The following EFHB variants were observed in gnomAD, a reference collection of about 807,000 sequenced individuals.
The protein encoded by EFHB is EF-hand domain family member B.
In EFHB, 91 loss-of-function variants were observed where a neutral mutation model predicts 87.2. The observed-to-expected ratio is 1.04, with a 90% CI of 0.88 to 1.24. The LOEUF is 1.24. Ranked by LOEUF, EFHB falls within the 50% of genes most tolerant of loss-of-function variation. EFHB has a pLI of 0.00. For missense variants in EFHB, 1,084 were observed against 998.8 expected, an observed-to-expected ratio of 1.09 and a Z score of -1.15; for synonymous variants, 325 against 333.6, an observed-to-expected ratio of 0.97 and a Z score of 0.28.
In EFHB at chr3:19,898,855, A is replaced by G. The variant is rs746602526; in HGVS notation, c.1503-10T>C. Reference sequence around the variant, plus strand: ...CATTGTTTCTGCAATGCTATCAAAGAAAACAAATCCTTAGTTAAAATACCC... The same window carrying G: ...CATTGTTTCTGCAATGCTATCAAAGGAAACAAATCCTTAGTTAAAATACCC... On this transcript the variant is annotated splice_polypyrimidine_tract_variant and intron_variant, in intron 7 of 12. Transcript: ENST00000295824. The G allele has an allele frequency of 6.2e-7, 1 of 1,613,366 alleles. No individual in the cohort carries two copies. Among genetic ancestry groups the G allele is most frequent in the South Asian group, 1.1e-5 (1 of 90,890 alleles).
intron 4 of EFHB, among the ~76,000 whole-genome samples, chr3:19,916,175 G>A (rs1695223978): frequency 6.6e-6 from 1 of 152,094 alleles, no homozygotes; most frequent in Admixed American, 6.6e-5. Flanking sequence ...GTAAATTTTG[G>A]CAGTTTTAGA....
rs902042733 is a variant in EFHB, at chr3:19,898,628, A to G, written c.1570+150T>C. 8 of 805,176 alleles carry G rather than the reference A, an allele frequency of 9.9e-6. No homozygotes were observed. In the African/African-American group the frequency reaches 1.2e-4, roughly 12 times the overall value. 49.9% of individuals were successfully genotyped at this position (805,176 alleles called of 1,614,324 possible). The stretch of plus-strand genomic sequence containing the variant: ...GAAAAAAAATTTACTTCTGTGTTAT[A>G]CACTTTTCTCATTAATGTTAATGCA... On this transcript the variant is annotated intron_variant, in intron 8 of 12. Coordinates refer to ENST00000295824, the MANE Select transcript of EFHB (RefSeq NM_144715.4).
chr3:19,904,685 C>T (rs568689045), intron 6 of EFHB, among the ~76,000 whole-genome samples: 52 of 152,254 alleles, frequency 3.4e-4, no homozygotes, highest in Middle Eastern at 6.8e-3. Context: ...ATTTAACATC[C>T]GCTCAGATAA....
chr3:19,922,994 CA>C (rs1316019117), intron 1 of EFHB, among the ~76,000 whole-genome samples: 1 of 152,140 alleles, frequency 6.6e-6, no homozygotes, highest in African/African-American at 2.4e-5. Context: ...CAGCCAGATG[CA>C]GTGGCTCACA....
Position 19,879,582 on chromosome 3 carries a change from AAC to A in EFHB, c.*47_*48del, listed in dbSNP as rs763747160. On this transcript the variant is annotated 3_prime_UTR_variant, in exon 13 of 13. Transcript: ENST00000295824. ...CAGAATGGATTCAACATTTTAGATA[AAC>A]ACAGAGTTAATAATTCTTTTGCTTG... is the stretch of plus-strand genomic sequence containing the variant. 7 of 1,495,674 alleles carry A rather than the reference AAC, an allele frequency of 4.7e-6. No homozygotes were observed. The highest frequency in any genetic ancestry group is 4.8e-5 in the Admixed American group (2 of 41,762). The allele number at this position is 1,495,674 out of a possible 1,614,324, so 92.7% of individuals were successfully genotyped here.
chr3:19,913,108 A>T (rs1003648611), intron 5 of EFHB, among the ~76,000 whole-genome samples: 1 of 152,188 alleles, frequency 6.6e-6, no homozygotes, highest in Non-Finnish European at 1.5e-5. Context: ...ACCTCAACAT[A>T]ATAAAAGCCG....
chr3:19,905,518 T>A, intron 6 of EFHB, 102 bp downstream of exon 6: 3 of 1,285,038 alleles, frequency 2.3e-6, no homozygotes, highest in Non-Finnish European at 3.2e-6. Context: ...GTTTGAACCA[T>A]ATCATTTTAT....
chr3:19,914,178 G>A (rs1695150130), intron 5 of EFHB, among the ~76,000 whole-genome samples: 1 of 152,106 alleles, frequency 6.6e-6, no homozygotes, highest in African/African-American at 2.4e-5. Flanking sequence ...AAACTCCTGG[G>A]CTCAAGTGAT....
upstream of EFHB, chr3:19,934,299 TTC>T (rs770548531): frequency 5.8e-3 from 7,405 of 1,276,698 alleles, no homozygotes; most frequent in South Asian, 9.9e-3. Context: ...TCTCTCATTC[TTC>T]TCTCTCTCTC....
At chr3:19,925,068 A>G (rs1020874551) in intron 1 of EFHB, among the ~76,000 whole-genome samples, 1 of 151,390 alleles carries the variant, frequency 6.6e-6, no homozygotes, top group African/African-American at 2.4e-5. Context: ...AAACGGTGAA[A>G]CATCTCTACT....
chr3:19,928,156 C>T (rs911233713), intron 1 of EFHB, among the ~76,000 whole-genome samples: 1 of 151,754 alleles, frequency 6.6e-6, no homozygotes, highest in Non-Finnish European at 1.5e-5. Context: ...ACTGGCAAGT[C>T]AAATCCAGGG....
intron 11 of EFHB, among the ~76,000 whole-genome samples, chr3:19,883,863 C>T (rs562076765): frequency 6.6e-6 from 1 of 152,298 alleles, no homozygotes; most frequent in East Asian, 1.9e-4. Flanking sequence ...GAGGCATGGA[C>T]AGATTCTCCT....
chr3:19,932,539 TC>T (rs774159776), intron 1 of EFHB, among the ~76,000 whole-genome samples: 13 of 152,210 alleles, frequency 8.5e-5, no homozygotes, highest in Non-Finnish European at 1.6e-4. Context: ...CCTCATTCTT[TC>T]TTCAGACAAA....
At chr3:19,900,310 T>C (rs532502501) in intron 6 of EFHB, among the ~76,000 whole-genome samples, 19 of 152,170 alleles carry the variant, frequency 1.2e-4, no homozygotes, top group Admixed American at 5.9e-4. Flanking sequence ...CCAAAGGATA[T>C]AAACAAATAA....
At position 19,879,928 on chromosome 3, in the gene EFHB, G is replaced by C. The variant is rs969353664; in HGVS notation, c.2329-124C>G. 10 of 879,300 alleles carry C rather than the reference G, an allele frequency of 1.1e-5. No homozygotes were observed. In the African/African-American group the frequency reaches 1.7e-4, roughly 15 times the overall value. 54.5% of individuals were successfully genotyped at this position (879,300 alleles called of 1,614,324 possible). Reference sequence around the variant, plus strand: ...AAAAGTATGTGTGAAAAGTATGTGTGTGTATGTATTTGTGTGTGTGCATGT... The same window carrying C: ...AAAAGTATGTGTGAAAAGTATGTGTCTGTATGTATTTGTGTGTGTGCATGT... On this transcript the variant is annotated intron_variant, in intron 12 of 12. Coordinates refer to ENST00000295824, the MANE Select transcript of EFHB (RefSeq NM_144715.4).
At chr3:19,884,988 G>A (rs542845747) in intron 10 of EFHB, among the ~76,000 whole-genome samples, 1 of 151,790 alleles carries the variant, frequency 6.6e-6, no homozygotes, top group African/African-American at 2.4e-5. Context: ...TTGGGAGGCT[G>A]AGGTGGACAG....
At chr3:19,931,832 A>G (rs953537076) in intron 1 of EFHB, among the ~76,000 whole-genome samples, 2 of 152,218 alleles carry the variant, frequency 1.3e-5, no homozygotes, top group Non-Finnish European at 2.9e-5. Context: ...ACAATGAACA[A>G]GATATAGTCC....
intron 10 of EFHB, among the ~76,000 whole-genome samples, chr3:19,887,906 G>A (rs1251658415): frequency 6.6e-6 from 1 of 152,140 alleles, no homozygotes; most frequent in African/African-American, 2.4e-5. Flanking sequence ...ACAGGTTTCT[G>A]AGAAACTGTC....
chr3:19,924,633 CTCATCA>C (rs1321444617), intron 1 of EFHB, among the ~76,000 whole-genome samples: 10 of 152,196 alleles, frequency 6.6e-5, no homozygotes, highest in Admixed American at 6.5e-4. Flanking sequence ...TAGGGGAAGA[CTCATCA>C]ACCTTGTTTC....
Sources: gnomAD v4.1 joint callset for allele counts (sites outside exome capture counted in the v4.1 genomes callset) on GRCh38, gnomAD v4.1.1 for gene constraint, MANE v1.5 for transcripts, NCBI Gene and HGNC (gene_info 2026-07-23, HGNC 2026-07-21) for gene names.